Variants in FYB1 observed in about 807,000 individuals in gnomAD.
FYB1 encodes FYN-binding protein 1.
FYB1 carries 41 observed loss-of-function variants against 94.1 expected under a neutral mutation model. The ratio of observed to expected loss-of-function variants is 0.44; its 90% CI spans 0.34 to 0.57. The LOEUF (loss-of-function observed/expected upper bound fraction) is 0.57, where lower values mean the gene tolerates loss of function less well. FYB1 is among the 20% of genes least tolerant of loss of function. FYB1 has a pLI of 0.02. For synonymous variants in FYB1, 367 were observed against 353.2 expected, an observed-to-expected ratio of 1.04 and a Z score of -0.44; for missense variants, 1,050 against 976.8, an observed-to-expected ratio of 1.07 and a Z score of -1.00.
At chr5:39,138,370 A>G (rs527718592) in intron 6 of FYB1, 26 of 285,622 alleles carry the variant, frequency 9.1e-5, no homozygotes, top group African/African-American at 3.8e-4. Context: ...CCAAGGATAC[A>G]CTAAGAGTAA....
chr5:39,191,513 C>T (rs998652607), intron 2 of FYB1, among the ~76,000 whole-genome samples: 4 of 152,076 alleles, frequency 2.6e-5, no homozygotes, highest in South Asian at 2.1e-4. Context: ...GTCTCATCTT[C>T]GGTTACTTTT....
intron 1 of FYB1, among the ~76,000 whole-genome samples, chr5:39,256,290 T>C (rs2150623442): frequency 6.6e-6 from 1 of 152,338 alleles, no homozygotes; most frequent in East Asian, 1.9e-4. Context: ...CTAGCATCAT[T>C]TCCCAGGAAT....
At chr5:39,187,895 T>A (rs1746989031) in intron 2 of FYB1, among the ~76,000 whole-genome samples, 2 of 151,994 alleles carry the variant, frequency 1.3e-5, no homozygotes, top group Non-Finnish European at 2.9e-5. Context: ...AAGCACTGTG[T>A]GGAACAAACC....
intron 1 of FYB1, among the ~76,000 whole-genome samples, chr5:39,257,331 GA>G (rs1225477802): frequency 6.6e-6 from 1 of 150,920 alleles, no homozygotes; most frequent in Non-Finnish European, 1.5e-5. Flanking sequence ...GTCCTAATAT[GA>G]AAAAAAGAGA....
chr5:39,230,437 G>T (rs1335341241), intron 1 of FYB1, among the ~76,000 whole-genome samples: 1 of 152,026 alleles, frequency 6.6e-6, no homozygotes, highest in East Asian at 1.9e-4. Context: ...CACCTCAGAG[G>T]CTCATTGCAG....
intron 1 of FYB1, among the ~76,000 whole-genome samples, chr5:39,255,865 A>G (rs1751915965): frequency 6.6e-6 from 1 of 152,166 alleles, no homozygotes; most frequent in African/African-American, 2.4e-5. Flanking sequence ...GAAAAGAGCT[A>G]CTCAGAGAAC....
intron 1 of FYB1, among the ~76,000 whole-genome samples, chr5:39,248,619 T>C (rs1173115767): frequency 6.6e-6 from 1 of 152,132 alleles, no homozygotes; most frequent in Non-Finnish European, 1.5e-5. Flanking sequence ...TGGGGATCAC[T>C]TGAGGTCAGG....
intron 18 of FYB1, among the ~76,000 whole-genome samples, chr5:39,107,907 G>A (rs1738673623): frequency 6.6e-6 from 1 of 151,986 alleles, no homozygotes; most frequent in African/African-American, 2.4e-5. Context: ...TATGAAATAA[G>A]TACCTATTTA....
intron 2 of FYB1, among the ~76,000 whole-genome samples, chr5:39,196,760 C>T (rs931701539): frequency 8.5e-5 from 13 of 152,130 alleles, no homozygotes; most frequent in Admixed American, 3.3e-4. Context: ...CAGCCCAGCA[C>T]GAGGAAGTGG....
chr5:39,217,037 T>C (rs1749922928), intron 1 of FYB1, among the ~76,000 whole-genome samples: 2 of 152,194 alleles, frequency 1.3e-5, no homozygotes, highest in African/African-American at 4.8e-5. Context: ...TGGGGAAATA[T>C]TCCTTGACTT....
intron 9 of FYB1, 32 bp downstream of exon 9, chr5:39,134,176 T>A: frequency 6.6e-7 from 1 of 1,506,370 alleles, no homozygotes. Context: ...GGAGACAGTT[T>A]GATCTGTTCT....
At chr5:39,218,368 T>C (rs929214805) in intron 1 of FYB1, among the ~76,000 whole-genome samples, 2 of 152,124 alleles carry the variant, frequency 1.3e-5, no homozygotes, top group African/African-American at 4.8e-5. Flanking sequence ...ATCGGACTAT[T>C]TGAAGTGTGT....
At chr5:39,169,493 C>T in intron 2 of FYB1, 1 of 635,632 alleles carries the variant, frequency 1.6e-6, no homozygotes, top group Non-Finnish European at 3.1e-6. Context: ...TAATCGAAGA[C>T]CCGTTACTAC....
intron 2 of FYB1, among the ~76,000 whole-genome samples, chr5:39,187,615 G>A (rs1430136073): frequency 6.6e-6 from 1 of 152,114 alleles, no homozygotes; most frequent in Non-Finnish European, 1.5e-5. Flanking sequence ...GAGACTTCCT[G>A]GTCAGTTTGG....
intron 3 of FYB1, among the ~76,000 whole-genome samples, chr5:39,149,591 T>G (rs1470934983): frequency 6.6e-6 from 1 of 152,170 alleles, no homozygotes; most frequent in East Asian, 1.9e-4. Context: ...TTGTTTATAT[T>G]TGCTCTGTCC....
At chr5:39,252,950 A>G (rs1436636422) in intron 1 of FYB1, among the ~76,000 whole-genome samples, 1 of 152,238 alleles carries the variant, frequency 6.6e-6, no homozygotes, top group East Asian at 1.9e-4. Flanking sequence ...ACTTAGTAAA[A>G]TGTTAGCAAT....
chr5:39,204,653 G>C lies in FYB1; in HGVS notation c.-27-1666C>G, dbSNP rs1220503975. Among the ~76,000 whole-genome samples the C allele has an allele frequency of 3.9e-5, 6 of 152,070 alleles. No individual in the cohort carries two copies. The South Asian group carries it at 8.3e-4, about 21-fold the overall frequency. On this transcript the variant is annotated intron_variant, in intron 1 of 18. Coordinates refer to ENST00000512982, the MANE Select transcript of FYB1 (RefSeq NM_001465.6). ...CCTGCATCACCTAGACCAGGGCCTGGCTCCCTCAGGATTCTAATATATGCT... is the reference window on the plus strand; with the variant it reads ...CCTGCATCACCTAGACCAGGGCCTGCCTCCCTCAGGATTCTAATATATGCT...
chr5:39,128,801 A>C (rs1053017533), intron 10 of FYB1, among the ~76,000 whole-genome samples: 15 of 152,120 alleles, frequency 9.9e-5, no homozygotes, highest in Non-Finnish European at 8.8e-5. Flanking sequence ...ATTAATATAC[A>C]CAAACATGAT....
At chr5:39,134,825 C>T (rs567813035) in intron 8 of FYB1, 30 bp downstream of exon 8, 2 of 1,611,638 alleles carry the variant, frequency 1.2e-6, no homozygotes, top group South Asian at 2.2e-5. Context: ...AAAGAAAATA[C>T]TTCGAAGCCA....
Sources: allele counts gnomAD v4.1 joint callset (sites outside exome capture counted in the v4.1 genomes callset), GRCh38; gene constraint gnomAD v4.1.1; transcripts MANE v1.5; gene names NCBI Gene and HGNC (gene_info 2026-07-23, HGNC 2026-07-21).